Variants in SYT10 observed in about 807,000 individuals in gnomAD.
SYT10 encodes synaptotagmin-10.
A neutral mutation model predicts 51.1 loss-of-function variants in SYT10; 31 were observed. That is an observed-to-expected ratio of 0.61 (90% CI 0.46 to 0.82). The LOEUF (loss-of-function observed/expected upper bound fraction) is 0.82, where lower values mean the gene tolerates loss of function less well. SYT10 is among the 40% of genes least tolerant of loss of function. The pLI, the probability that SYT10 is intolerant of heterozygous loss-of-function variation, is 0.00. For missense variants in SYT10, 603 were observed against 634.0 expected (o/e 0.95, Z 0.53); for synonymous variants, 233 against 225.9 (o/e 1.03, Z -0.28).
intron 4 of SYT10, 144 bp from the exon 5 acceptor site, chr12:33,382,664 C>A: frequency 1.4e-6 from 1 of 693,474 alleles, no homozygotes; most frequent in Non-Finnish European, 2.1e-6. Context: ...AATTTGTCTC[C>A]AAAAAAAAGA....
intron 3 of SYT10, chr12:33,405,841 T>C (rs1227402189): frequency 7.1e-6 from 1 of 141,100 alleles, no homozygotes; most frequent in Admixed American, 7.3e-5. Flanking sequence ...TATAATTCTA[T>C]ACCGGACAAA....
intron 3 of SYT10, among the ~76,000 whole-genome samples, chr12:33,402,517 A>G (rs1402420315): frequency 2.0e-5 from 3 of 152,238 alleles, no homozygotes; most frequent in Non-Finnish European, 2.9e-5. Context: ...AATAATTTAC[A>G]CTGAGGCATA....
rs1458768035 is a variant in SYT10, at chr12:33,376,690, A to G, written c.*140T>C. The G allele has an allele frequency of 2.2e-6, 2 of 904,854 alleles. No homozygotes were observed. Among genetic ancestry groups the G allele is most frequent in the Admixed American group, 5.6e-5 (2 of 35,544 alleles). The allele number at this position is 904,854 out of a possible 1,614,324, so 56.1% of individuals were successfully genotyped here. A position where few individuals can be genotyped will look rare whatever the true frequency, so the allele number is the denominator to read the frequency against. Reference sequence around the variant, plus strand: ...TCAAAGTTAAAAAATCAACAATAAAAGCAAATAAAAAAGTGCACATCAAGT... The same window carrying G: ...TCAAAGTTAAAAAATCAACAATAAAGGCAAATAAAAAAGTGCACATCAAGT... On this transcript the variant is annotated 3_prime_UTR_variant, in exon 7 of 7. Transcript: ENST00000228567.
In SYT10 at chr12:33,426,457, A is replaced by C. The variant is rs190334227; in HGVS notation, c.190T>G (p.Cys64Gly). 2.5e-6 allele frequency: 4 copies of C among 1,605,080 alleles called. No homozygotes were observed. In the East Asian group the frequency reaches 8.9e-5, roughly 36 times the overall value. Reference protein sequence around the residue: ...VSLLAVVVSFCGLALLVVSLF... With the variant: ...VSLLAVVVSFGGLALLVVSLF... ...GAGACAACCAACAAGGCCAGTCCAC[A>C]AAAGCTGACAACGACAGCTAACAGG... Residue 64 changes from cysteine (C) to glycine (G), a missense_variant, in exon 2 of 7, where the codon TGT becomes GGT. Transcript: ENST00000228567.
chr12:33,403,073 A>G (rs1866320106), intron 3 of SYT10, among the ~76,000 whole-genome samples: 1 of 152,138 alleles, frequency 6.6e-6, no homozygotes, highest in African/African-American at 2.4e-5. Context: ...TTTGGTCTAA[A>G]TTACATTGGA....
chr12:33,414,295 G>C (rs1234242702), intron 2 of SYT10, among the ~76,000 whole-genome samples: 1 of 152,120 alleles, frequency 6.6e-6, no homozygotes, highest in Non-Finnish European at 1.5e-5. Context: ...AGTTAACAAG[G>C]ATATCCAGGA....
intron 2 of SYT10, among the ~76,000 whole-genome samples, chr12:33,414,480 T>G (rs1301064280): frequency 6.6e-6 from 1 of 152,180 alleles, no homozygotes; most frequent in Non-Finnish European, 1.5e-5. Flanking sequence ...ACAAACTGTC[T>G]CTCAGACCAC....
intron 2 of SYT10, among the ~76,000 whole-genome samples, chr12:33,424,680 A>G (rs1866534337): frequency 6.6e-6 from 1 of 151,976 alleles, no homozygotes; most frequent in Admixed American, 6.6e-5. Flanking sequence ...CTATTTGTAA[A>G]ACATGTAAAA....
chr12:33,436,925 T>C (rs982688235), intron 1 of SYT10, among the ~76,000 whole-genome samples: 1 of 152,188 alleles, frequency 6.6e-6, no homozygotes, highest in African/African-American at 2.4e-5. Flanking sequence ...CATTAAACGA[T>C]GAGTAGAAGG....
chr12:33,407,464 T>C, intron 2 of SYT10, 108 bp from the exon 3 acceptor site: 1 of 1,172,660 alleles, frequency 8.5e-7, no homozygotes, highest in East Asian at 2.4e-5. Context: ...TGAAAAGATA[T>C]CTATATCTAC....
rs74578572 is a variant in SYT10 at position 33,420,916 on chromosome 12, T to A, written c.509+5222A>T. ...CTATTTCAGGGAGACAGATCTCAGGTCTTTCCATTGATCTGGGCAAGTGTT... is the reference window on the plus strand; with the variant it reads ...CTATTTCAGGGAGACAGATCTCAGGACTTTCCATTGATCTGGGCAAGTGTT... On this transcript the variant is annotated intron_variant, in intron 2 of 6. Coordinates refer to ENST00000228567, the MANE Select transcript of SYT10 (RefSeq NM_198992.4). Among the ~76,000 whole-genome samples, 748 of 152,290 alleles carry A rather than the reference T, an allele frequency of 4.9e-3. 13 individuals are homozygous for A. The highest frequency in any genetic ancestry group is 0.017 in the African/African-American group (700 of 41,558).
chr12:33,386,417 CTG>C (rs142785153), intron 3 of SYT10, among the ~76,000 whole-genome samples: 2 of 151,350 alleles, frequency 1.3e-5, no homozygotes, highest in Non-Finnish European at 3.0e-5. Flanking sequence ...AAATGTCTTT[CTG>C]TGTGTGTGTG....
intron 2 of SYT10, among the ~76,000 whole-genome samples, chr12:33,416,243 G>A (rs1420889365): frequency 2.0e-5 from 3 of 151,960 alleles, no homozygotes; most frequent in Admixed American, 6.6e-5. Flanking sequence ...ACCACGCCCC[G>A]CTGATTTTTT....
chr12:33,409,972 T>C (rs1488266410), intron 2 of SYT10, among the ~76,000 whole-genome samples: 3 of 152,180 alleles, frequency 2.0e-5, no homozygotes, highest in African/African-American at 7.2e-5. Context: ...TTTAGCTTAA[T>C]ATAAAGGAAC....
At chr12:33,439,089 C>T (rs537369752) in intron 1 of SYT10, among the ~76,000 whole-genome samples, 171 of 152,352 alleles carry the variant, frequency 1.1e-3, no homozygotes, top group African/African-American at 3.0e-3. Context: ...CGTGGGAGAA[C>T]GCGGAGAGGC....
intron 2 of SYT10, among the ~76,000 whole-genome samples, chr12:33,416,064 C>T (rs567943736): frequency 2.0e-5 from 3 of 152,182 alleles, no homozygotes; most frequent in African/African-American, 7.2e-5. Context: ...ACCCCCATTA[C>T]CACTTCACAC....
At chr12:33,394,888 C>T (rs1435690072) in intron 3 of SYT10, among the ~76,000 whole-genome samples, 1 of 152,184 alleles carries the variant, frequency 6.6e-6, no homozygotes, top group Non-Finnish European at 1.5e-5. Flanking sequence ...GAGATCAAGA[C>T]CATCCTGGCT....
chr12:33,386,828 T>A (rs1301189637), intron 3 of SYT10, among the ~76,000 whole-genome samples: 1 of 152,204 alleles, frequency 6.6e-6, no homozygotes, highest in Non-Finnish European at 1.5e-5. Context: ...TTCATATTTT[T>A]TGAAGAACTG....
At chr12:33,403,541 C>G (rs1005550118) in intron 3 of SYT10, among the ~76,000 whole-genome samples, 1 of 152,020 alleles carries the variant, frequency 6.6e-6, no homozygotes, top group Non-Finnish European at 1.5e-5. Context: ...GGCCAATAGT[C>G]TTTTAATCCA....
Sources: allele counts gnomAD v4.1 joint callset (sites outside exome capture counted in the v4.1 genomes callset), GRCh38; gene constraint gnomAD v4.1.1; transcripts MANE v1.5; gene names NCBI Gene and HGNC (gene_info 2026-07-23, HGNC 2026-07-21).